The following TPM1 variants were observed in gnomAD, a reference collection of about 807,000 sequenced individuals.
The protein encoded by TPM1 is tropomyosin 1.
A neutral mutation model predicts 42.9 loss-of-function variants in TPM1; 24 were observed. That is an observed-to-expected ratio of 0.56 (90% CI 0.41 to 0.79). The LOEUF (loss-of-function observed/expected upper bound fraction) is 0.79, where lower values mean the gene tolerates loss of function less well. Ranked by LOEUF, TPM1 falls within the 30% of genes least tolerant of loss-of-function variation. The pLI, the probability that TPM1 is intolerant of heterozygous loss-of-function variation, is 0.00. For missense variants in TPM1, 158 were observed against 351.8 expected, an observed-to-expected ratio of 0.45 and a Z score of 4.41; for synonymous variants, 136 against 130.1, an observed-to-expected ratio of 1.05 and a Z score of -0.31.
At chr15:63,048,424 C>T (rs1189814002) in intron 2 of TPM1, 3 of 1,350,858 alleles carry the variant, frequency 2.2e-6, no homozygotes, top group Non-Finnish European at 2.8e-6. Context: ...TTCCGGACTG[C>T]TCCTGGCCGC....
At chr15:63,063,390 A>T in intron 8 of TPM1, 2 of 985,234 alleles carry the variant, frequency 2.0e-6, no homozygotes, top group Non-Finnish European at 2.4e-6. Context: ...GCAGCAAAGT[A>T]TGAAACCTGC....
intron 6 of TPM1, 70 bp downstream of exon 6, chr15:63,061,858 G>A (rs533814453): frequency 2.2e-6 from 3 of 1,368,600 alleles, no homozygotes; most frequent in East Asian, 2.3e-5. Context: ...CTGCCAGAAA[G>A]CAACACTTAC....
rs1237110600 is a variant in TPM1, at chr15:63,062,584, T to C, written c.711T>C (p.Thr237=). The change falls in exon 8 of 10, where the codon ACT becomes ACC. Residue 237 remains threonine (T), a synonymous_variant. Transcript: ENST00000403994. The part of the protein sequence containing the change: ...VLSDKLKEAE[T]RAEFAERSVT... ...CAAATAAATCATTACAGGCTGAGAC[T>C]CGGGCTGAGTTTGCGGAGAGGTCAG... 1.9e-6 allele frequency: 3 copies of C among 1,614,184 alleles called. No individual in the cohort carries two copies. Among genetic ancestry groups the C allele is most frequent in the Non-Finnish European group, 2.5e-6 (3 of 1,180,032 alleles).
chr15:63,059,768 G>A, intron 4 of TPM1, 88 bp downstream of exon 4: 1 of 915,158 alleles, frequency 1.1e-6, no homozygotes, highest in Non-Finnish European at 1.8e-6. Context: ...ATTCCCGAGT[G>A]AGGCCATCTG....
chr15:63,063,073 G>T lies in TPM1; in HGVS notation c.772+428G>T, dbSNP rs1246404162. ...ATGAATTCAAAGTAAGGATTTAGGG[G>T]TTATTTTAAGTCATATATTATCTTA... On this transcript the variant is annotated intron_variant, in intron 8 of 9. Transcript: ENST00000403994. 17 of 979,230 alleles carry T rather than the reference G, an allele frequency of 1.7e-5. No individual in the cohort carries two copies. In the South Asian group the frequency reaches 4.3e-4, roughly 25 times the overall value. 60.7% of individuals were successfully genotyped at this position (979,230 alleles called of 1,614,324 possible).
At chr15:63,048,646 C>CT in intron 2 of TPM1, 1 of 1,538,820 alleles carries the variant, frequency 6.5e-7, no homozygotes, top group Non-Finnish European at 8.7e-7. Context: ...GCGGACGCCG[C>CT]TGAGGAGCGC....
chr15:63,069,793 TA>T (rs963648858), downstream of TPM1: 52 of 1,586,480 alleles, frequency 3.3e-5, 1 homozygote, highest in Middle Eastern at 2.2e-3. Flanking sequence ...TGTTCTCTAT[TA>T]ACTGCCTCTC....
chr15:63,059,507 G>T, intron 3 of TPM1, 56 bp from the exon 4 acceptor site: 1 of 1,372,864 alleles, frequency 7.3e-7, no homozygotes, highest in Non-Finnish European at 1.0e-6. Context: ...AGTGCAGTGT[G>T]CATTTGGGAA....
chr15:63,070,701 G>A (rs569762069), downstream of TPM1: 5 of 1,048,454 alleles, frequency 4.8e-6, no homozygotes, highest in South Asian at 1.7e-4. Context: ...ACTTTTAACT[G>A]CCTGTACCTT....
chr15:63,067,521 G>T (rs1176346584), downstream of TPM1, among the ~76,000 whole-genome samples: 2 of 152,190 alleles, frequency 1.3e-5, no homozygotes, highest in Non-Finnish European at 2.9e-5. Flanking sequence ...CTGCTGAGCA[G>T]ATGTTCATGT....
downstream of TPM1, chr15:63,070,330 A>ATC (rs1566976868): frequency 3.0e-6 from 2 of 675,242 alleles, no homozygotes; most frequent in African/African-American, 4.3e-5. Flanking sequence ...GTGTGTGTAT[A>ATC]TATTCCTATC....
In TPM1 at chr15:63,043,750, G is replaced by A. The variant is rs1312883932; in HGVS notation, c.115-277G>A. 1.3e-5 allele frequency: 20 copies of A among 1,549,538 alleles called. No homozygotes were observed. The highest frequency in any genetic ancestry group is 4.9e-5 in the East Asian group (2 of 40,992). ...CCAAGGAGAAGTTGCTGCGGGTGTCGGAGGACGAGCGGGACCGGGTGCTGG... is the reference window on the plus strand; with the variant it reads ...CCAAGGAGAAGTTGCTGCGGGTGTCAGAGGACGAGCGGGACCGGGTGCTGG... On this transcript the variant is annotated intron_variant, in intron 1 of 9. Transcript: ENST00000403994.
In TPM1 at chr15:63,065,951, CCT is replaced by C. The variant is rs1327620078; in HGVS notation, c.*57_*58del. ...CTCCCTCGTCGAGCTGGATGTCCCA[CCT>C]CTCTGAGCTCTGCATTTGTCTATTC... On this transcript the variant is annotated 3_prime_UTR_variant, in exon 10 of 10. Coordinates refer to ENST00000403994, the MANE Select transcript of TPM1 (RefSeq NM_001018005.2). 1 of 1,603,308 alleles carries C rather than the reference CCT, an allele frequency of 6.2e-7. No homozygotes were observed. Among genetic ancestry groups the C allele is most frequent in the East Asian group, 2.2e-5 (1 of 44,670 alleles).
chr15:63,059,515 G>T, intron 3 of TPM1, 48 bp from the exon 4 acceptor site: 1 of 1,483,514 alleles, frequency 6.7e-7, no homozygotes, highest in Non-Finnish European at 9.4e-7. Flanking sequence ...GTGCATTTGG[G>T]AAGTTCAGCT....
intron 5 of TPM1, 103 bp from the exon 6 acceptor site, chr15:63,061,610 G>T (rs528733046): frequency 2.3e-5 from 26 of 1,127,656 alleles, no homozygotes; most frequent in Non-Finnish European, 3.5e-5. Context: ...GCAGCCCTTC[G>T]TCTCTAGGAC....
chr15:63,050,181 C>T (rs968469918), intron 2 of TPM1, among the ~76,000 whole-genome samples: 1 of 152,202 alleles, frequency 6.6e-6, no homozygotes, highest in African/African-American at 2.4e-5. Flanking sequence ...ACTGCACAGC[C>T]CTGGCAGCCC....
At chr15:63,063,406 T>C in intron 8 of TPM1, 1 of 982,162 alleles carries the variant, frequency 1.0e-6, no homozygotes, top group African/African-American at 1.8e-5. Flanking sequence ...CCTGCAGCAT[T>C]ACAAAAACTA....
chr15:63,057,836 A>G (rs1010871450), intron 3 of TPM1, among the ~76,000 whole-genome samples: 2 of 152,218 alleles, frequency 1.3e-5, no homozygotes, highest in African/African-American at 2.4e-5. Context: ...AGGATTTGCC[A>G]TATTGCATAG....
intron 2 of TPM1, among the ~76,000 whole-genome samples, chr15:63,053,884 G>T (rs559469756): frequency 2.0e-5 from 3 of 152,036 alleles, no homozygotes; most frequent in African/African-American, 7.2e-5. Context: ...GTTTCACCAT[G>T]TTGGTCAGGC....
Sources: gnomAD v4.1 joint callset for allele counts (sites outside exome capture counted in the v4.1 genomes callset) on GRCh38, gnomAD v4.1.1 for gene constraint, MANE v1.5 for transcripts, NCBI Gene and HGNC (gene_info 2026-07-23, HGNC 2026-07-21) for gene names.